Variants in GAREM2 observed in about 807,000 individuals in gnomAD.
GAREM2 encodes GRB2-associated and regulator of MAPK protein 2.
A neutral mutation model predicts 55.6 loss-of-function variants in GAREM2; 30 were observed. The observed-to-expected ratio is 0.54, with a 90% CI of 0.40 to 0.73. The LOEUF is 0.73. GAREM2 is among the 30% of genes least tolerant of loss of function. GAREM2 has a pLI of 0.00. For synonymous variants in GAREM2, 550 were observed against 569.1 expected (o/e 0.97, Z 0.48); for missense variants, 1,075 against 1,257.7 (o/e 0.85, Z 2.20).
the GAREM2 span, chr2:26,201,009 G>A: frequency 2.2e-5 from 16 of 729,996 alleles, no homozygotes; most frequent in Non-Finnish European, 3.9e-5. Flanking sequence ...TGGGATTATA[G>A]GCGTGAGCCA....
chr2:26,191,436 C>A, downstream of GAREM2: 1 of 1,614,172 alleles, frequency 6.2e-7, no homozygotes, highest in Non-Finnish European at 8.5e-7. Context: ...AGACGCAACA[C>A]GGGCTCCAGG....
At chr2:26,173,580 C>A (rs1349177060) in intron 1 of GAREM2, among the ~76,000 whole-genome samples, 1 of 152,206 alleles carries the variant, frequency 6.6e-6, no homozygotes, top group East Asian at 1.9e-4. Context: ...AGTTTTCCCG[C>A]CCAGCTGGAG....
At chr2:26,190,143 C>T (rs1407123473), downstream of GAREM2, among the ~76,000 whole-genome samples, 1 of 152,208 alleles carries the variant, frequency 6.6e-6, no homozygotes, top group Non-Finnish European at 1.5e-5. Context: ...CAGAGCCAGA[C>T]CTGATCTCCT....
chr2:26,174,627 A>G (rs1163454395), intron 1 of GAREM2, among the ~76,000 whole-genome samples: 6 of 152,198 alleles, frequency 3.9e-5, no homozygotes, highest in Non-Finnish European at 1.5e-5. Flanking sequence ...GATTGAATGA[A>G]TGGGTGAGTG....
At position 26,179,050 on chromosome 2, in the gene GAREM2, C is replaced by G. The variant is rs555652320; in HGVS notation, c.253+2566C>G. 1.1e-4 allele frequency among the ~76,000 whole-genome samples: 17 copies of G among 152,254 alleles called. No homozygotes were observed. Among genetic ancestry groups the G allele is most frequent in the African/African-American group, 3.9e-4 (16 of 41,542 alleles). On this transcript the variant is annotated intron_variant, in intron 2 of 5. Coordinates refer to ENST00000401533, the MANE Select transcript of GAREM2 (RefSeq NM_001168241.2). This position sits in a 1 kb window ranked among gnomAD's most constrained non-coding sequence, Gnocchi z 4.7. ...GCCGGCTGCGGACCGCGGAGAGAGCCGAGGGGAAGGCCGTGGAGGGAGGAG... is the reference window on the plus strand; with the variant it reads ...GCCGGCTGCGGACCGCGGAGAGAGCGGAGGGGAAGGCCGTGGAGGGAGGAG...
At chr2:26,192,333 C>T, downstream of GAREM2, 1 of 1,597,436 alleles carries the variant, frequency 6.3e-7, no homozygotes, top group Non-Finnish European at 8.6e-7. Context: ...GAGGCAGCTT[C>T]AGACTCGCTA....
At chr2:26,175,327 G>T (rs1483701870) in intron 1 of GAREM2, among the ~76,000 whole-genome samples, 1 of 152,066 alleles carries the variant, frequency 6.6e-6, no homozygotes, top group Non-Finnish European at 1.5e-5. Context: ...TGGGGTTGGC[G>T]CCTCCAGGCC....
chr2:26,175,228 C>G (rs143286642), intron 1 of GAREM2, among the ~76,000 whole-genome samples: 2 of 152,276 alleles, frequency 1.3e-5, no homozygotes, highest in Non-Finnish European at 2.9e-5. Context: ...CTCCCTACCC[C>G]CACCCTCCCC....
rs1356063432 is a variant in GAREM2 at position 26,185,014 on chromosome 2, G to C, written c.1166G>C (p.Gly389Ala). ...TGCCTGCCCGCGCCGCGCGCCCCCG[G>C]GCTCGCCCGCGCCCCCGGCCCGCTA... ...RLCLPAPRAP[G>A]LARAPGPLAP... is the part of the protein sequence containing the mutation. Residue 389 changes from glycine (G) to alanine (A), a missense_variant, in exon 4 of 6, where the codon GGG (glycine) becomes GCG (alanine). Physicochemically the swap from Gly to Ala is moderately conservative, Grantham distance 60 (BLOSUM62 0). Coordinates refer to ENST00000401533, the MANE Select transcript of GAREM2 (RefSeq NM_001168241.2). The C allele has an allele frequency of 9.0e-7, 1 of 1,107,004 alleles. No individual in the cohort carries two copies. The highest frequency in any genetic ancestry group is 5.1e-5 in the Admixed American group (1 of 19,482). 68.6% of individuals were successfully genotyped at this position (1,107,004 alleles called of 1,614,324 possible). A position where few individuals can be genotyped will look rare whatever the true frequency, so the allele number is the denominator to read the frequency against.
At chr2:26,192,289 T>C (rs1291774893), downstream of GAREM2, 1 of 1,202,488 alleles carries the variant, frequency 8.3e-7, no homozygotes, top group Non-Finnish European at 1.2e-6. Flanking sequence ...TTCCAGGCAT[T>C]AGCCACTCAA....
chr2:26,192,219 TAA>T (rs34898931), downstream of GAREM2: 6,291 of 650,158 alleles, frequency 9.7e-3, 1 homozygote, highest in Middle Eastern at 0.015. Context: ...CTTAAAGTAT[TAA>T]AAAAAAAAAA....
At position 26,173,280 on chromosome 2, in the gene GAREM2, C is replaced by A. The variant is rs757433229; in HGVS notation, c.60C>A (p.Leu20=). Residue 20 remains leucine (L), a synonymous_variant, in exon 1 of 6, where the codon CTC becomes CTA. Transcript: ENST00000401533. ...GCTGGAGCATGGGCGCCTTCCCGCTCGACCTCATCGTCAGCCGCTGCCGCC... is the reference window on the plus strand; with the variant it reads ...GCTGGAGCATGGGCGCCTTCCCGCTAGACCTCATCGTCAGCCGCTGCCGCC... The part of the protein sequence containing the change: ...GLRWSMGAFP[L]DLIVSRCRLP... The A allele has an allele frequency of 2.8e-6, 4 of 1,434,046 alleles. No individual in the cohort carries two copies. Among genetic ancestry groups the A allele is most frequent in the Non-Finnish European group, 2.7e-6 (3 of 1,091,080 alleles). 88.8% of individuals were successfully genotyped at this position (1,434,046 alleles called of 1,614,324 possible).
At chr2:26,176,242 C>T in intron 1 of GAREM2, 102 bp from the exon 2 acceptor site, 1 of 1,173,676 alleles carries the variant, frequency 8.5e-7, no homozygotes, top group South Asian at 1.8e-5. Flanking sequence ...AGCTGTCCCT[C>T]AGGGGGGCGG....
Position 26,184,417 on chromosome 2 carries a change from G to T in GAREM2, c.569G>T (p.Gly190Val). The change falls in exon 4 of 6, where the codon GGC becomes GTC. Residue 190 changes from glycine to valine, a missense_variant. Physicochemically the swap from Gly to Val is moderately radical, Grantham distance 109 (BLOSUM62 -3). Coordinates refer to ENST00000401533, the MANE Select transcript of GAREM2 (RefSeq NM_001168241.2). Reference protein sequence around the residue: ...RAGALAGVGGGGPASAGAAGG... With the variant: ...RAGALAGVGGVGPASAGAAGG... ...GGGGCGCTGGCCGGGGTGGGCGGCGGCGGCCCAGCGAGCGCGGGGGCCGCG... is the reference window on the plus strand; with the variant it reads ...GGGGCGCTGGCCGGGGTGGGCGGCGTCGGCCCAGCGAGCGCGGGGGCCGCG... 6.8e-7 allele frequency: 1 copy of T among 1,472,626 alleles called. No homozygotes were observed. The highest frequency in any genetic ancestry group is 1.5e-5 in the African/African-American group (1 of 67,518). 91.2% of individuals were successfully genotyped at this position (1,472,626 alleles called of 1,614,324 possible).
At chr2:26,194,532 TG>T (rs767191953), downstream of GAREM2, 21 of 1,225,228 alleles carry the variant, frequency 1.7e-5, no homozygotes, top group African/African-American at 3.0e-4. Flanking sequence ...ACTGAAGGAG[TG>T]GAAGATGCCG....
Position 26,173,276 on chromosome 2 carries a change from C to G in GAREM2, c.56C>G (p.Pro19Arg). The G allele has an allele frequency of 7.0e-7, 1 of 1,433,282 alleles. No individual in the cohort carries two copies. Among genetic ancestry groups the G allele is most frequent in the Non-Finnish European group, 9.2e-7 (1 of 1,090,424 alleles). The allele number at this position is 1,433,282 out of a possible 1,614,324, so 88.8% of individuals were successfully genotyped here. The change falls in exon 1 of 6, where the codon CCG (proline) becomes CGG (arginine). Residue 19 changes from proline to arginine, a missense_variant. Pro to Arg is a moderately radical substitution (Grantham distance 103, BLOSUM62 -2). Transcript: ENST00000401533. ...CTGCGCTGGAGCATGGGCGCCTTCC[C>G]GCTCGACCTCATCGTCAGCCGCTGC... Reference protein sequence around the residue: ...AGLRWSMGAFPLDLIVSRCRL... With the variant: ...AGLRWSMGAFRLDLIVSRCRL...
chr2:26,197,711 C>T, the GAREM2 span: 1 of 1,511,990 alleles, frequency 6.6e-7, no homozygotes, highest in Non-Finnish European at 9.2e-7. Context: ...CTTTTGCTGA[C>T]AGCAGCGATT....
chr2:26,176,233 G>C, intron 1 of GAREM2, 111 bp from the exon 2 acceptor site: 1 of 1,047,850 alleles, frequency 9.5e-7, no homozygotes, highest in Non-Finnish European at 1.3e-6. Flanking sequence ...ATTGTGTGGA[G>C]CTGTCCCTCA....
rs535309404 is a variant in GAREM2, at chr2:26,185,344, C to T, written c.1428+68C>T. On this transcript the variant is annotated intron_variant, in intron 4 of 5. Coordinates refer to ENST00000401533, the MANE Select transcript of GAREM2 (RefSeq NM_001168241.2). ...GCCCAAAGCCCGTTCTCCTGGGCCC[C>T]GGCCCCGGAGTATGTGGCAGACGAG... 777 of 1,422,472 alleles carry T rather than the reference C, an allele frequency of 5.5e-4. 8 individuals carry two copies. In the South Asian group the frequency reaches 0.011, roughly 19 times the overall value. The allele number at this position is 1,422,472 out of a possible 1,614,324, so 88.1% of individuals were successfully genotyped here.
Sources: allele counts gnomAD v4.1 joint callset (sites outside exome capture counted in the v4.1 genomes callset), GRCh38; gene constraint gnomAD v4.1.1; non-coding constraint Gnocchi (gnomAD v3.1); transcripts MANE v1.5; gene names NCBI Gene and HGNC (gene_info 2026-07-23, HGNC 2026-07-21).